FOCAD: variants seen among roughly 807,000 people sequenced by gnomAD.
FOCAD encodes the protein focadhesin, also known as KIAA1797.
FOCAD carries 198 observed loss-of-function variants against 225.6 expected under a neutral mutation model. The observed-to-expected ratio is 0.88, with a 90% CI of 0.78 to 0.99. The LOEUF is 0.99. FOCAD is among the 50% of genes least tolerant of loss of function. FOCAD has a pLI of 0.00. For synonymous variants in FOCAD, 897 were observed against 755.0 expected (o/e 1.19, Z -3.08); for missense variants, 2,713 against 2,123.6 (o/e 1.28, Z -5.46).
chr9:20,747,224 A>G (rs913687106), intron 5 of FOCAD, among the ~76,000 whole-genome samples: 2 of 152,098 alleles, frequency 1.3e-5, no homozygotes, highest in Non-Finnish European at 2.9e-5. Flanking sequence ...AGAGATAGCT[A>G]TTTGGTTTAG....
Position 20,664,554 on chromosome 9 carries a change from G to C in FOCAD, c.-78+5728G>C, listed in dbSNP as rs189728492. On this transcript the variant is annotated intron_variant, in intron 2 of 45. Coordinates refer to the FOCAD transcript ENST00000380249. ...TAAGGCAAATAAGCAGGAAGGGAGA[G>C]ATAAATCCCATAAAGAAGGAACCTT... is the stretch of plus-strand genomic sequence containing the variant. Among the ~76,000 whole-genome samples the C allele has an allele frequency of 3.0e-4, 46 of 151,588 alleles. No individual in the cohort carries two copies. The East Asian group carries it at 7.1e-3, about 24-fold the overall frequency.
intron 35 of FOCAD, among the ~76,000 whole-genome samples, chr9:20,967,791 T>A (rs759581381): frequency 1.3e-5 from 2 of 152,160 alleles, no homozygotes; most frequent in Non-Finnish European, 2.9e-5. Context: ...GATTTTCTTA[T>A]GTTGAACAAA....
intron 27 of FOCAD, among the ~76,000 whole-genome samples, chr9:20,931,496 C>A (rs562749616): frequency 3.9e-5 from 6 of 152,150 alleles, no homozygotes; most frequent in Non-Finnish European, 7.3e-5. Flanking sequence ...ACAATGCTAA[C>A]AGAGAATTTC....
chr9:20,955,953 G>T (rs1361537395), intron 35 of FOCAD, among the ~76,000 whole-genome samples: 2 of 152,052 alleles, frequency 1.3e-5, no homozygotes, highest in Non-Finnish European at 2.9e-5. Context: ...TATTGCTGGG[G>T]AATGTGGCTA....
chr9:20,982,667 T>G (rs1321444422), intron 39 of FOCAD, among the ~76,000 whole-genome samples: 1 of 152,222 alleles, frequency 6.6e-6, no homozygotes, highest in Non-Finnish European at 1.5e-5. Context: ...ATGAATAACT[T>G]TTTAACCCGA....
At chr9:20,797,116 C>G (rs1821203852) in intron 11 of FOCAD, among the ~76,000 whole-genome samples, 1 of 152,146 alleles carries the variant, frequency 6.6e-6, no homozygotes, top group East Asian at 1.9e-4. Context: ...TGTCAAAGAC[C>G]AGATAGTTGT....
intron 16 of FOCAD, chr9:20,863,655 G>A (rs1828978078): frequency 6.6e-6 from 1 of 152,050 alleles, no homozygotes; most frequent in Non-Finnish European, 1.5e-5. Context: ...ATTTGTGACT[G>A]TGAGTATACA....
intron 19 of FOCAD, among the ~76,000 whole-genome samples, chr9:20,878,906 A>G (rs1376085838): frequency 6.6e-6 from 1 of 152,120 alleles, no homozygotes; most frequent in African/African-American, 2.4e-5. Flanking sequence ...TTGAGCCTGG[A>G]GTTCTGATGT....
intron 5 of FOCAD, among the ~76,000 whole-genome samples, chr9:20,755,572 A>G (rs372292326): frequency 3.9e-5 from 6 of 152,176 alleles, no homozygotes; most frequent in Non-Finnish European, 8.8e-5. Flanking sequence ...GAGATGACTT[A>G]TAAAGGAAGA....
At chr9:20,845,287 A>C (rs1036515715) in intron 15 of FOCAD, among the ~76,000 whole-genome samples, 4 of 151,968 alleles carry the variant, frequency 2.6e-5, no homozygotes, top group African/African-American at 9.7e-5. Flanking sequence ...CACTATCCAG[A>C]TATAACTCTG....
chr9:20,730,029 C>G (rs1216704303), intron 4 of FOCAD, among the ~76,000 whole-genome samples: 1 of 152,132 alleles, frequency 6.6e-6, no homozygotes, highest in Non-Finnish European at 1.5e-5. Flanking sequence ...AGGAAGAAAA[C>G]TAGCCTTTCT....
chr9:20,980,460 G>T (rs1840594619), intron 37 of FOCAD, among the ~76,000 whole-genome samples: 1 of 151,086 alleles, frequency 6.6e-6, no homozygotes, highest in Non-Finnish European at 1.5e-5. Flanking sequence ...GCTACTCTGT[G>T]CATTTGTCTT....
At chr9:20,790,214 C>T (rs1213025553) in intron 11 of FOCAD, among the ~76,000 whole-genome samples, 1 of 152,120 alleles carries the variant, frequency 6.6e-6, no homozygotes, top group African/African-American at 2.4e-5. Context: ...CTTTCCCCAG[C>T]CTTTTACACT....
chr9:20,668,775 A>G (rs1821969853), intron 2 of FOCAD, among the ~76,000 whole-genome samples: 1 of 152,202 alleles, frequency 6.6e-6, no homozygotes, highest in African/African-American at 2.4e-5. Context: ...AACCTTTAAA[A>G]CAAATAATAG....
At chr9:20,715,095 G>T (rs1825224186) in intron 1 of FOCAD, among the ~76,000 whole-genome samples, 1 of 152,054 alleles carries the variant, frequency 6.6e-6, no homozygotes, top group Admixed American at 6.5e-5. Context: ...AGCTCTCATG[G>T]GAAAAACCAA....
intron 15 of FOCAD, among the ~76,000 whole-genome samples, chr9:20,861,432 C>A (rs1828761960): frequency 6.6e-6 from 1 of 152,126 alleles, no homozygotes; most frequent in African/African-American, 2.4e-5. Flanking sequence ...GCCTGGTCTA[C>A]AATACTGCCC....
intron 21 of FOCAD, among the ~76,000 whole-genome samples, chr9:20,905,100 T>G (rs1832850082): frequency 6.6e-6 from 1 of 151,996 alleles, no homozygotes; most frequent in Admixed American, 6.6e-5. Flanking sequence ...AAGTGCATTT[T>G]TAAAGAGATT....
intron 36 of FOCAD, among the ~76,000 whole-genome samples, chr9:20,977,096 C>T (rs1224237887): frequency 1.3e-5 from 2 of 152,100 alleles, no homozygotes; most frequent in African/African-American, 4.8e-5. Context: ...CTAGAAGCTG[C>T]CCACATTCTT....
At chr9:20,696,337 GAC>G (rs142085623) in intron 1 of FOCAD, among the ~76,000 whole-genome samples, 1 of 151,212 alleles carries the variant, frequency 6.6e-6, no homozygotes, top group Non-Finnish European at 1.5e-5. Context: ...TCACCATACA[GAC>G]ACACACACAC....
Sources: gnomAD v4.1 joint callset for allele counts (sites outside exome capture counted in the v4.1 genomes callset) on GRCh38, gnomAD v4.1.1 for gene constraint, MANE v1.5 for transcripts, NCBI Gene and HGNC (gene_info 2026-07-23, HGNC 2026-07-21) for gene names.